Variants in TLN1 observed in about 807,000 individuals in gnomAD.
The protein encoded by TLN1 is talin-1.
A neutral mutation model predicts 292.3 loss-of-function variants in TLN1; 56 were observed. The observed-to-expected ratio is 0.19, with a 90% CI of 0.15 to 0.24. TLN1 has a LOEUF of 0.24. Ranked by LOEUF, TLN1 falls within the 10% of genes least tolerant of loss-of-function variation. The pLI, the probability that TLN1 is intolerant of heterozygous loss-of-function variation, is 1.00. For synonymous variants in TLN1, 1,119 were observed against 1,253.7 expected, an observed-to-expected ratio of 0.89 and a Z score of 2.27; for missense variants, 2,433 against 3,248.2, an observed-to-expected ratio of 0.75 and a Z score of 6.10.
At chr9:35,716,848 C>G (rs1181101671) in intron 19 of TLN1, among the ~76,000 whole-genome samples, 2 of 152,052 alleles carry the variant, frequency 1.3e-5, no homozygotes, top group Non-Finnish European at 2.9e-5. Flanking sequence ...CTTTTGGGGT[C>G]AGGGGTATAG....
intron 25 of TLN1, among the ~76,000 whole-genome samples, chr9:35,713,499 C>T (rs1825715020): frequency 6.6e-6 from 1 of 152,212 alleles, no homozygotes; most frequent in East Asian, 1.9e-4. Context: ...GCCTGGGCAA[C>T]ATGGCGAAAC....
At chr9:35,708,292 G>T (rs764617179) in intron 34 of TLN1, 49 bp downstream of exon 34, 2 of 1,541,582 alleles carry the variant, frequency 1.3e-6, no homozygotes, top group African/African-American at 1.4e-5. Flanking sequence ...CCACGGGGTC[G>T]GTCTGCCCTT....
At chr9:35,700,434 A>G (rs957609513) in intron 48 of TLN1, 58 bp from the exon 49 acceptor site, 19 of 1,515,904 alleles carry the variant, frequency 1.3e-5, no homozygotes, top group Middle Eastern at 1.8e-4. Flanking sequence ...GAGACAGCGT[A>G]GAACTCTGTG....
chr9:35,721,948 G>T (rs548528473), intron 9 of TLN1, 145 bp from the exon 10 acceptor site: 2 of 1,225,606 alleles, frequency 1.6e-6, no homozygotes, highest in Non-Finnish European at 2.4e-6. Context: ...GAGGGAAGTG[G>T]TGGTGTAGGG....
In TLN1 at chr9:35,698,775, T is replaced by A. The variant is rs1825413190; in HGVS notation, c.7125+33A>T. On this transcript the variant is annotated intron_variant, in intron 53 of 56. Coordinates refer to ENST00000314888, the MANE Select transcript of TLN1 (RefSeq NM_006289.4). This position sits in a 1 kb window ranked among gnomAD's most constrained non-coding sequence, Gnocchi z 5.3. ...GGATGTGGACATCAAAGTGCCAACC[T>A]GTCCCCATTCTTCTGGGTATTTAAG... 4.3e-6 allele frequency: 7 copies of A among 1,613,738 alleles called. No individual in the cohort carries two copies. The highest frequency in any genetic ancestry group is 5.9e-6 in the Non-Finnish European group (7 of 1,179,658).
At chr9:35,712,768 C>T (rs1234157248) in intron 27 of TLN1, 67 bp downstream of exon 27, 4 of 1,423,122 alleles carry the variant, frequency 2.8e-6, no homozygotes, top group Non-Finnish European at 3.8e-6. Context: ...GAAGCTTTGG[C>T]CTCAATCAGG....
In TLN1 at chr9:35,703,555, C is replaced by T; in HGVS notation, c.6474+5G>A. The T allele has an allele frequency of 6.2e-7, 1 of 1,614,090 alleles. No individual in the cohort carries two copies. Among genetic ancestry groups the T allele is most frequent in the South Asian group, 1.1e-5 (1 of 91,088 alleles). On this transcript the variant is annotated splice_donor_5th_base_variant and intron_variant, in intron 48 of 56. Transcript: ENST00000314888. ...TAGTCACTGATGCCCCAGACTCTCA[C>T]TCACCGCCAGCTCCTGCCGTATGTG...
chr9:35,710,602 C>T lies in TLN1; in HGVS notation c.4285G>A (p.Ala1429Thr). The T allele has an allele frequency of 6.2e-7, 1 of 1,614,042 alleles. No individual in the cohort carries two copies. The highest frequency in any genetic ancestry group is 1.1e-5 in the South Asian group (1 of 91,076). The change falls in exon 33 of 57, where the codon GCC (alanine) becomes ACC (threonine). Residue 1429 changes from alanine (A) to threonine (T), a missense_variant. Coordinates refer to ENST00000314888, the MANE Select transcript of TLN1 (RefSeq NM_006289.4). ...LPEFGDAISTASKALCGFTEA... is the reference protein window; with the variant it reads ...LPEFGDAISTTSKALCGFTEA... The stretch of plus-strand genomic sequence containing the variant: ...GTGAAGCCACAAAGTGCCTTTGAGG[C>T]TGTGGAAATGGCATCTCCAAACTCT...
At chr9:35,721,533 CT>C in intron 10 of TLN1, 114 bp downstream of exon 10, 12 of 1,214,146 alleles carry the variant, frequency 9.9e-6, no homozygotes, top group Non-Finnish European at 1.2e-5. Context: ...CTCTAACCTC[CT>C]TTTTTTCTGG....
At chr9:35,705,089 A>G (rs867194) in intron 43 of TLN1, among the ~76,000 whole-genome samples, 41,573 of 152,020 alleles carry the variant, frequency 0.27, 5,872 homozygotes, top group Admixed American at 0.3. Flanking sequence ...TTATGCTTGA[A>G]TGTGGGAATC....
chr9:35,715,827 A>C (rs1308640884), intron 20 of TLN1, among the ~76,000 whole-genome samples: 1 of 152,198 alleles, frequency 6.6e-6, no homozygotes, highest in African/African-American at 2.4e-5. Flanking sequence ...AAAGGACACA[A>C]AATTATAGCT....
At chr9:35,710,432 C>T in intron 33 of TLN1, 129 bp downstream of exon 33, 1 of 1,352,486 alleles carries the variant, frequency 7.4e-7, no homozygotes, top group Non-Finnish European at 1.0e-6. Context: ...AGGAGGAGGA[C>T]AACCCAGATT....
In TLN1 at chr9:35,698,357, G is replaced by C; in HGVS notation, c.7337C>G (p.Ala2446Gly). 1 of 1,614,224 alleles carries C rather than the reference G, an allele frequency of 6.2e-7. No individual in the cohort carries two copies. Among genetic ancestry groups the C allele is most frequent in the East Asian group, 2.2e-5 (1 of 44,886 alleles). The part of the protein sequence containing the change: ...AQLLVACKVK[A>G]DQDSEAMKRL... ...TTTCATTGCCTCCGAGTCCTGGTCAGCCTTGACCTTGCAGGCCACAAGGAG... is the reference window on the plus strand; with the variant it reads ...TTTCATTGCCTCCGAGTCCTGGTCACCCTTGACCTTGCAGGCCACAAGGAG... Residue 2446 changes from alanine (A) to glycine (G), a missense_variant, in exon 55 of 57, where the codon GCT becomes GGT. Coordinates refer to ENST00000314888, the MANE Select transcript of TLN1 (RefSeq NM_006289.4). This position sits in a 1 kb window ranked among gnomAD's most constrained non-coding sequence, Gnocchi z 5.3.
At chr9:35,700,403 T>G (rs1358258621) in intron 48 of TLN1, 27 bp from the exon 49 acceptor site, 1 of 1,585,436 alleles carries the variant, frequency 6.3e-7, no homozygotes, top group African/African-American at 1.3e-5. Flanking sequence ...AGAAGAAAGA[T>G]TTTACAGTGG....
Position 35,714,539 on chromosome 9 carries a change from G to A in TLN1, c.2985+35C>T. ...AGATGGAAGCTTAGAAAGGTGGGAA[G>A]GTCAGGTCAGAGAAGTGCAGAGGGG... On this transcript the variant is annotated intron_variant, in intron 23 of 56. Transcript: ENST00000314888. This position sits in a 1 kb window ranked among gnomAD's most constrained non-coding sequence, Gnocchi z 4.6. 2 of 1,599,906 alleles carry A rather than the reference G, an allele frequency of 1.3e-6. No individual in the cohort carries two copies. The highest frequency in any genetic ancestry group is 1.1e-5 in the South Asian group (1 of 90,862).
Position 35,706,308 on chromosome 9 carries a change from G to A in TLN1, c.5249C>T (p.Ser1750Phe). The change falls in exon 40 of 57, where the codon TCC becomes TTC. Residue 1750 changes from serine to phenylalanine, a missense_variant. This residue lies in a region of TLN1 where 1,384 missense variants were observed against 1,699.6 expected (regional missense o/e 0.81). Coordinates refer to ENST00000314888, the MANE Select transcript of TLN1 (RefSeq NM_006289.4). The surrounding 1 kb of genome is among the most constrained non-coding windows in gnomAD (Gnocchi z 4.2). ...PLTLAAVGAA[S>F]KTLSHPQQMA... Reference sequence around the variant, plus strand: ...CTGCTGCGGGTGGCTCAGGGTCTTGGAGGCAGCACCCACTGCAGCCAGGGT... The same window carrying A: ...CTGCTGCGGGTGGCTCAGGGTCTTGAAGGCAGCACCCACTGCAGCCAGGGT... 6.2e-7 allele frequency: 1 copy of A among 1,613,746 alleles called. No individual in the cohort carries two copies.
intron 27 of TLN1, among the ~76,000 whole-genome samples, 191 bp downstream of exon 27, chr9:35,712,642 CTG>C (rs1825695221): frequency 7.6e-6 from 1 of 132,432 alleles, no homozygotes; most frequent in East Asian, 2.1e-4. Context: ...GAGCAAAACT[CTG>C]TCTCAAAAAA....
chr9:35,719,252 A>G lies in TLN1; in HGVS notation c.1718T>C (p.Val573Ala). ...GDPAETDYTA[V>A]GCAVTTISSN... Reference sequence around the variant, plus strand: ...GGAGATTGTGGTGACTGCACAGCCCACTGCGGTATAGTCTGTCTCAGCAGG... The same window carrying G: ...GGAGATTGTGGTGACTGCACAGCCCGCTGCGGTATAGTCTGTCTCAGCAGG... Residue 573 changes from valine to alanine, a missense_variant, in exon 16 of 57, where the codon GTG (valine) becomes GCG (alanine). Physicochemically the swap from Val to Ala is moderately conservative, Grantham distance 64. Around this residue, in one of 7 missense-constraint regions of TLN1, gnomAD observed 617 missense variants for 770.6 expected, o/e 0.80. Coordinates refer to ENST00000314888, the MANE Select transcript of TLN1 (RefSeq NM_006289.4). The surrounding 1 kb of genome is among the most constrained non-coding windows in gnomAD (Gnocchi z 4.6). 6.2e-7 allele frequency: 1 copy of G among 1,614,154 alleles called. No individual in the cohort carries two copies. Among genetic ancestry groups the G allele is most frequent in the Non-Finnish European group, 8.5e-7 (1 of 1,179,984 alleles).
rs758758658 is a variant in TLN1 at position 35,705,788 on chromosome 9, G to A, written c.5575C>T (p.Arg1859Trp). Reference sequence around the variant, plus strand: ...GTCACTGCAATGGCCTTGGCTGTCCGCACCATAGTTGTTTGGTAATCCACG... The same window carrying A: ...GTCACTGCAATGGCCTTGGCTGTCCACACCATAGTTGTTTGGTAATCCACG... ...SFVDYQTTMVRTAKAIAVTVQ... is the reference protein window; with the variant it reads ...SFVDYQTTMVWTAKAIAVTVQ... The change falls in exon 42 of 57, where the codon CGG becomes TGG. Residue 1859 changes from arginine to tryptophan, a missense_variant. Physicochemically the swap from Arg to Trp is moderately radical, Grantham distance 101. This residue lies in a region of TLN1 where 1,384 missense variants were observed against 1,699.6 expected (regional missense o/e 0.81). Transcript: ENST00000314888. 4.3e-6 allele frequency: 7 copies of A among 1,614,212 alleles called. No homozygotes were observed. In the Admixed American group the frequency reaches 5.0e-5, roughly 12 times the overall value.
Sources: gnomAD v4.1 joint callset for allele counts (sites outside exome capture counted in the v4.1 genomes callset) on GRCh38, gnomAD v4.1.1 for gene constraint, gnomAD v4.1.1 regional missense constraint, Gnocchi (gnomAD v3.1) non-coding constraint, MANE v1.5 for transcripts, NCBI Gene and HGNC (gene_info 2026-07-23, HGNC 2026-07-21) for gene names.